The following GREM2 variants were observed in gnomAD, a reference collection of about 807,000 sequenced individuals.
GREM2 encodes gremlin-2.
GREM2 carries 11 observed loss-of-function variants against 14.2 expected under a neutral mutation model. The ratio of observed to expected loss-of-function variants is 0.78; its 90% CI spans 0.49 to 1.28. The LOEUF (loss-of-function observed/expected upper bound fraction) is 1.28, where lower values mean the gene tolerates loss of function less well. Among genes scored for constraint, GREM2 ranks in the 50% most tolerant of loss-of-function variants. GREM2 has a pLI of 0.00. For synonymous variants in GREM2, 98 were observed against 97.6 expected (o/e 1.00, Z -0.02); for missense variants, 210 against 218.5 (o/e 0.96, Z 0.24).
chr1:240,514,032 C>T (rs1004123393), intron 1 of GREM2, among the ~76,000 whole-genome samples: 2 of 151,808 alleles, frequency 1.3e-5, no homozygotes, highest in African/African-American at 4.8e-5. Flanking sequence ...GATCACCTGA[C>T]GTCAGGACTT....
At position 240,525,701 on chromosome 1, in the gene GREM2, A is replaced by C. The variant is rs570323274; in HGVS notation, c.-1-32225T>G. Among the ~76,000 whole-genome samples, 4 of 151,998 alleles carry C rather than the reference A, an allele frequency of 2.6e-5. No individual in the cohort carries two copies. The South Asian group carries it at 6.2e-4, about 24-fold the overall frequency. On this transcript the variant is annotated intron_variant, in intron 1 of 1. Coordinates refer to ENST00000318160, the MANE Select transcript of GREM2 (RefSeq NM_022469.4). ...ACCATGTTGGCCAGGTTCATCTTGAACTTGTGACTTCAAGTGATCCACCCT... is the reference window on the plus strand; with the variant it reads ...ACCATGTTGGCCAGGTTCATCTTGACCTTGTGACTTCAAGTGATCCACCCT...
chr1:240,529,689 A>T lies in GREM2; in HGVS notation c.-1-36213T>A, dbSNP rs183905257. Among the ~76,000 whole-genome samples the T allele has an allele frequency of 6.4e-3, 968 of 152,152 alleles. 7 individuals carry two copies. Among genetic ancestry groups the T allele is most frequent in the African/African-American group, 0.021 (859 of 41,516 alleles). On this transcript the variant is annotated intron_variant, in intron 1 of 1. Coordinates refer to ENST00000318160, the MANE Select transcript of GREM2 (RefSeq NM_022469.4). Reference sequence around the variant, plus strand: ...AAATACATTTTTAATGATTTTTTTTAAAAAAATGGTAATGGGGTGAGCATA... The same window carrying T: ...AAATACATTTTTAATGATTTTTTTTTAAAAAATGGTAATGGGGTGAGCATA...
At chr1:240,522,190 C>T (rs1678117482) in intron 1 of GREM2, among the ~76,000 whole-genome samples, 1 of 149,902 alleles carries the variant, frequency 6.7e-6, no homozygotes, top group East Asian at 1.9e-4. Context: ...CAAAGAAAAT[C>T]CTGAAACAAA....
At chr1:240,502,596 C>T (rs1677593994) in intron 1 of GREM2, among the ~76,000 whole-genome samples, 1 of 152,174 alleles carries the variant, frequency 6.6e-6, no homozygotes, top group Non-Finnish European at 1.5e-5. Context: ...CCCCAAATGT[C>T]CTGTAGGCAC....
intron 1 of GREM2, among the ~76,000 whole-genome samples, chr1:240,565,141 G>A (rs959139219): frequency 5.9e-5 from 9 of 152,248 alleles, no homozygotes; most frequent in East Asian, 5.8e-4. Flanking sequence ...TACATGGATA[G>A]GGGATACCTT....
At chr1:240,539,748 G>A (rs1678546039) in intron 1 of GREM2, among the ~76,000 whole-genome samples, 1 of 152,138 alleles carries the variant, frequency 6.6e-6, no homozygotes, top group African/African-American at 2.4e-5. Context: ...ATGAAGTGGA[G>A]ATTTTAAACT....
rs15985 is a variant in GREM2 at position 240,490,811 on chromosome 1, C to T, written c.*2158G>A. The T allele has an allele frequency of 0.36, 55,303 of 151,988 alleles. 11,201 individuals carry two copies. The highest frequency in any genetic ancestry group is 0.47 in the Admixed American group (7,132 of 15,270). 9.4% of individuals were successfully genotyped at this position (151,988 alleles called of 1,614,324 possible). A position where few individuals can be genotyped will look rare whatever the true frequency, so the allele number is the denominator to read the frequency against. On this transcript the variant is annotated 3_prime_UTR_variant, in exon 2 of 2. Transcript: ENST00000318160. ...GTTAATAAAATGATAGGGGTTGGCT[C>T]TGCAGCTGGTCAGAGACTCTCCTCC...
chr1:240,500,361 C>T (rs572334458), intron 1 of GREM2, among the ~76,000 whole-genome samples: 13 of 151,640 alleles, frequency 8.6e-5, no homozygotes, highest in East Asian at 2.0e-4. Context: ...TGCAGTGGCG[C>T]GATCTTGGCT....
intron 1 of GREM2, among the ~76,000 whole-genome samples, chr1:240,522,989 G>C (rs889956364): frequency 2.0e-5 from 3 of 152,158 alleles, no homozygotes; most frequent in African/African-American, 7.2e-5. Flanking sequence ...ATTTTTGAAT[G>C]GATAATACAT....
At chr1:240,553,889 G>A (rs1251783009) in intron 1 of GREM2, among the ~76,000 whole-genome samples, 1 of 152,128 alleles carries the variant, frequency 6.6e-6, no homozygotes, top group East Asian at 1.9e-4. Flanking sequence ...AAAAGTGAAG[G>A]TGAAAAGTAA....
chr1:240,583,273 A>G (rs1254372893), intron 1 of GREM2, among the ~76,000 whole-genome samples: 1 of 152,208 alleles, frequency 6.6e-6, no homozygotes, highest in Non-Finnish European at 1.5e-5. Context: ...GGGCAAAAAA[A>G]TGCTCAGCCC....
At chr1:240,547,546 TAGATAGATAGAC>T (rs1558158167) in intron 1 of GREM2, among the ~76,000 whole-genome samples, 9 of 139,432 alleles carry the variant, frequency 6.5e-5, no homozygotes, top group Non-Finnish European at 9.1e-5. Flanking sequence ...GATAGATAGA[TAGATAGATAGAC>T]AGATAGATAT....
chr1:240,591,197 T>C (rs1679708771), intron 1 of GREM2, among the ~76,000 whole-genome samples: 1 of 152,166 alleles, frequency 6.6e-6, no homozygotes, highest in African/African-American at 2.4e-5. Context: ...ACTAACACAA[T>C]TATTTATTAT....
intron 1 of GREM2, among the ~76,000 whole-genome samples, chr1:240,559,340 CTTTTTTT>C (rs61006579): frequency 0.028 from 3,095 of 110,116 alleles, 99 homozygotes; most frequent in East Asian, 0.12. Flanking sequence ...ATCAAAAAGT[CTTTTTTT>C]TTTTTTTTTT....
At chr1:240,567,243 C>T (rs894626102) in intron 1 of GREM2, among the ~76,000 whole-genome samples, 28 of 151,756 alleles carry the variant, frequency 1.8e-4, no homozygotes, top group Admixed American at 1.6e-3. Context: ...AACTGAAATC[C>T]CCAAAGGTAT....
At chr1:240,569,798 A>C (rs1056870609) in intron 1 of GREM2, among the ~76,000 whole-genome samples, 1 of 152,358 alleles carries the variant, frequency 6.6e-6, no homozygotes, top group Non-Finnish European at 1.5e-5. Context: ...TTTCTTATAT[A>C]TGACACCCAA....
In GREM2 at chr1:240,492,891, G is replaced by C. The variant is rs907762754; in HGVS notation, c.*78C>G. On this transcript the variant is annotated 3_prime_UTR_variant, in exon 2 of 2. Transcript: ENST00000318160. The stretch of plus-strand genomic sequence containing the variant: ...ACCAGGCAGCGTGACAGTGGGCTCG[G>C]AGGGCAGGGACAGAGGCGGCGGCGG... The C allele has an allele frequency of 7.7e-7, 1 of 1,291,734 alleles. No homozygotes were observed. The highest frequency in any genetic ancestry group is 1.6e-5 in the African/African-American group (1 of 64,056). The allele number at this position is 1,291,734 out of a possible 1,614,324, so 80.0% of individuals were successfully genotyped here.
chr1:240,529,460 A>G (rs909383471), intron 1 of GREM2, among the ~76,000 whole-genome samples: 7 of 152,084 alleles, frequency 4.6e-5, no homozygotes, highest in Non-Finnish European at 1.0e-4. Context: ...GAACCATCTT[A>G]TTGTGAAATG....
chr1:240,591,578 C>T (rs186832130), intron 1 of GREM2, among the ~76,000 whole-genome samples: 301 of 152,306 alleles, frequency 2.0e-3, no homozygotes, highest in Non-Finnish European at 3.6e-3. Flanking sequence ...TTCTTGCCCA[C>T]ATCTCCCACC....
Sources: gnomAD v4.1 joint callset for allele counts (sites outside exome capture counted in the v4.1 genomes callset) on GRCh38, gnomAD v4.1.1 for gene constraint, MANE v1.5 for transcripts, NCBI Gene and HGNC (gene_info 2026-07-23, HGNC 2026-07-21) for gene names.